TCHP: variants seen among roughly 807,000 people sequenced by gnomAD.
TCHP encodes trichoplein keratin filament-binding protein.
Under a neutral mutation model 88.7 loss-of-function variants are expected in TCHP, and 81 were observed. That is an observed-to-expected ratio of 0.91 (90% CI 0.76 to 1.10). The LOEUF is 1.10. TCHP is among the 50% of genes least tolerant of loss of function. The pLI is 0.00. For missense variants in TCHP, 641 were observed against 632.1 expected (o/e 1.01, Z -0.15); for synonymous variants, 232 against 232.5 (o/e 1.00, Z 0.02).
upstream of TCHP, among the ~76,000 whole-genome samples, chr12:109,898,783 A>G (rs1363178937): frequency 6.6e-6 from 1 of 152,180 alleles, no homozygotes; most frequent in Non-Finnish European, 1.5e-5. Context: ...GTGCACCACC[A>G]CAGCCTGCTA....
At chr12:109,913,577 C>A (rs1182781569) in intron 10 of TCHP, among the ~76,000 whole-genome samples, 1 of 152,208 alleles carries the variant, frequency 6.6e-6, no homozygotes, top group African/African-American at 2.4e-5. Context: ...CGTTTCCCCC[C>A]TCGGGGTAGA....
Position 109,908,916 on chromosome 12 carries a change from ACAG to A in TCHP, c.862_864del (p.Gln288del), listed in dbSNP as rs774851310. The A allele has an allele frequency of 1.2e-6, 2 of 1,614,250 alleles. No individual in the cohort carries two copies. Among genetic ancestry groups the A allele is most frequent in the South Asian group, 2.2e-5 (2 of 91,082 alleles). On this transcript the variant is annotated inframe_deletion, in exon 8 of 13. Coordinates refer to ENST00000405876, the MANE Select transcript of TCHP (RefSeq NM_001143852.2). Reference sequence around the variant, plus strand: ...ATAACGCTCAACTCAGCAGACGCACACAGCAGATCCAAGAGGAGCTGGTAAGTC... The same window carrying A: ...ATAACGCTCAACTCAGCAGACGCACACAGATCCAAGAGGAGCTGGTAAGTC...
chr12:109,902,597 C>T (rs1487733895), intron 1 of TCHP, among the ~76,000 whole-genome samples: 1 of 152,210 alleles, frequency 6.6e-6, no homozygotes, highest in Non-Finnish European at 1.5e-5. Context: ...CCTCAGCCTC[C>T]CAAGGAGCTG....
In TCHP at chr12:109,915,040, A is replaced by G. The variant is rs923795308; in HGVS notation, c.1321-363A>G. On this transcript the variant is annotated intron_variant, in intron 11 of 12. Coordinates refer to ENST00000405876, the MANE Select transcript of TCHP (RefSeq NM_001143852.2). ...TCCATGAGGTACACGCCACGCATACAGCCTCTCCAGCTTTCTACGAGGTAC... is the reference window on the plus strand; with the variant it reads ...TCCATGAGGTACACGCCACGCATACGGCCTCTCCAGCTTTCTACGAGGTAC... 7 of 434,028 alleles carry G rather than the reference A, an allele frequency of 1.6e-5. No individual in the cohort carries two copies. The Admixed American group carries it at 2.7e-4, about 17-fold the overall frequency. 26.9% of individuals were successfully genotyped at this position (434,028 alleles called of 1,614,324 possible). A position where few individuals can be genotyped will look rare whatever the true frequency, so the allele number is the denominator to read the frequency against.
chr12:109,894,823 G>A, the TCHP span, among the ~76,000 whole-genome samples: 1 of 150,958 alleles, frequency 6.6e-6, no homozygotes, highest in Non-Finnish European at 1.5e-5. Context: ...CCCCTAGCAG[G>A]TTTCCCTCAG....
chr12:109,899,507 G>A (rs949947728), upstream of TCHP, among the ~76,000 whole-genome samples: 1 of 152,066 alleles, frequency 6.6e-6, no homozygotes, highest in Non-Finnish European at 1.5e-5. Flanking sequence ...GCGTGGTGGC[G>A]TGCGCCTGTA....
At chr12:109,885,054 C>T in the TCHP span, among the ~76,000 whole-genome samples, 4 of 152,158 alleles carry the variant, frequency 2.6e-5, no homozygotes, top group African/African-American at 7.2e-5. Context: ...CTGCAACCTC[C>T]GCCTCCTGGA....
upstream of TCHP, among the ~76,000 whole-genome samples, chr12:109,896,407 C>T (rs1869558441): frequency 6.6e-6 from 1 of 152,134 alleles, no homozygotes; most frequent in Admixed American, 6.5e-5. Context: ...CCTCAGCGCC[C>T]TCATCTGCAA....
At chr12:109,885,030 A>G in the TCHP span, among the ~76,000 whole-genome samples, 2 of 152,164 alleles carry the variant, frequency 1.3e-5, no homozygotes, top group Non-Finnish European at 2.9e-5. Flanking sequence ...GTGCAGTGCT[A>G]CGATCTTGGC....
intron 11 of TCHP, chr12:109,914,889 G>A (rs1047706206): frequency 3.6e-5 from 16 of 443,034 alleles, no homozygotes; most frequent in African/African-American, 6.0e-5. Flanking sequence ...TTGGCTTACC[G>A]GGGGCCATAG....
chr12:109,899,934 G>C (rs1320586227), upstream of TCHP, among the ~76,000 whole-genome samples: 2 of 152,066 alleles, frequency 1.3e-5, no homozygotes, highest in Non-Finnish European at 2.9e-5. Flanking sequence ...GAGTAGCTGG[G>C]ACCACAAGTC....
intron 4 of TCHP, 45 bp downstream of exon 4, chr12:109,904,838 C>A: frequency 6.4e-7 from 1 of 1,551,082 alleles, no homozygotes; most frequent in Non-Finnish European, 8.8e-7. Context: ...TAGATGAAAT[C>A]ATGTTTCCAG....
At chr12:109,888,118 C>T in the TCHP span, 1 of 152,384 alleles carries the variant, frequency 6.6e-6, no homozygotes, top group Admixed American at 6.6e-5. Flanking sequence ...CAGTGCCCCC[C>T]ATTACTGACA....
In TCHP at chr12:109,913,046, A is replaced by G; in HGVS notation, c.1108A>G (p.Ser370Gly). 1.2e-6 allele frequency: 2 copies of G among 1,613,926 alleles called. No individual in the cohort carries two copies. Among genetic ancestry groups the G allele is most frequent in the Non-Finnish European group, 1.7e-6 (2 of 1,180,008 alleles). Residue 370 changes from serine (S) to glycine (G), a missense_variant, in exon 10 of 13, where the codon AGC becomes GGC. Ser to Gly is a moderately conservative substitution (Grantham distance 56). Transcript: ENST00000405876. ...AGAGGCAGAGTGGGCCCGAGAGCGCAGCGCACGGGACAGACTGATGAGCGA... is the reference window on the plus strand; with the variant it reads ...AGAGGCAGAGTGGGCCCGAGAGCGCGGCGCACGGGACAGACTGATGAGCGA... ...KREAEWARER[S>G]ARDRLMSEVL...
Position 109,907,676 on chromosome 12 carries a change from GAGCTGA to G in TCHP, c.685_690del (p.Leu229_Lys230del). 2 of 1,609,038 alleles carry G rather than the reference GAGCTGA, an allele frequency of 1.2e-6. No individual in the cohort carries two copies. The highest frequency in any genetic ancestry group is 1.7e-6 in the Non-Finnish European group (2 of 1,178,076). Reference sequence around the variant, plus strand: ...CGAGGCACTGCTGCAACAGATGGAGGAGCTGAAGCTGAAGGAGGTGGAGGTGGGCAC... The same window carrying G: ...CGAGGCACTGCTGCAACAGATGGAGGAGCTGAAGGAGGTGGAGGTGGGCAC... On this transcript the variant is annotated inframe_deletion, in exon 6 of 13. Transcript: ENST00000405876.
chr12:109,911,761 G>A (rs2136079511), intron 9 of TCHP, among the ~76,000 whole-genome samples: 1 of 151,926 alleles, frequency 6.6e-6, no homozygotes, highest in South Asian at 2.1e-4. Flanking sequence ...TTAGAGTAAC[G>A]ATGTGTTCAT....
At chr12:109,896,644 G>A (rs1234679351), upstream of TCHP, among the ~76,000 whole-genome samples, 3 of 152,042 alleles carry the variant, frequency 2.0e-5, no homozygotes, top group Non-Finnish European at 2.9e-5. Flanking sequence ...GATTGAGGCC[G>A]GGCATGGTGG....
rs766792132 is a variant in TCHP at position 109,903,008 on chromosome 12, C to T, written c.1-19C>T. 1.3e-6 allele frequency: 2 copies of T among 1,578,382 alleles called. No homozygotes were observed. Among genetic ancestry groups the T allele is most frequent in the East Asian group, 4.5e-5 (2 of 44,258 alleles). On this transcript the variant is annotated intron_variant, in intron 1 of 12. Transcript: ENST00000405876. This position sits in a 1 kb window ranked among gnomAD's most constrained non-coding sequence, Gnocchi z 4.6. ...CTGGGATTTGCAGTGGCTCACTTTC[C>T]TCCCATTCCTGTTCTCAGATGGCGC...
intron 8 of TCHP, among the ~76,000 whole-genome samples, chr12:109,910,691 T>TA (rs1171439084): frequency 1.3e-5 from 2 of 152,246 alleles, no homozygotes; most frequent in African/African-American, 4.8e-5. Flanking sequence ...TTTTCCCTCT[T>TA]ACCTAAAAGC....
Sources: gnomAD v4.1 joint callset for allele counts (sites outside exome capture counted in the v4.1 genomes callset) on GRCh38, gnomAD v4.1.1 for gene constraint, Gnocchi (gnomAD v3.1) non-coding constraint, MANE v1.5 for transcripts, NCBI Gene and HGNC (gene_info 2026-07-23, HGNC 2026-07-21) for gene names.